Variants in HEATR4 observed in about 807,000 individuals in gnomAD.
The protein encoded by HEATR4 is HEAT repeat containing 4.
Under a neutral mutation model 108.8 loss-of-function variants are expected in HEATR4, and 95 were observed. That is an observed-to-expected ratio of 0.87 (90% CI 0.74 to 1.04). HEATR4 has a LOEUF of 1.04. Ranked by LOEUF, HEATR4 falls within the 50% of genes least tolerant of loss-of-function variation. The pLI is 0.00. For missense variants in HEATR4, 1,152 were observed against 1,253.8 expected (o/e 0.92, Z 1.23); for synonymous variants, 443 against 459.4 (o/e 0.96, Z 0.46).
chr14:73,541,361 T>C lies in HEATR4; in HGVS notation c.-151-11117A>G. ...TTCTGGACGAACACAGGTTTTCATT[T>C]CTCGTGGGTAGATACCTAGGAGTGG... is the stretch of plus-strand genomic sequence containing the variant. On this transcript the variant is annotated intron_variant, in intron 1 of 17. Transcript: ENST00000553558. 2 of 775,036 alleles carry C rather than the reference T, an allele frequency of 2.6e-6. 1 individual carries two copies. The highest frequency in any genetic ancestry group is 3.8e-6 in the Non-Finnish European group (2 of 529,166). 48.0% of individuals were successfully genotyped at this position (775,036 alleles called of 1,614,324 possible).
chr14:73,585,181 C>T, the HEATR4 span, among the ~76,000 whole-genome samples: 3,516 of 152,216 alleles, frequency 0.023, 161 homozygotes, highest in African/African-American at 0.081. Context: ...TCCCACTGTT[C>T]CTGTCTCACG....
At chr14:73,568,557 CT>C in the HEATR4 span, among the ~76,000 whole-genome samples, 1 of 147,974 alleles carries the variant, frequency 6.8e-6, no homozygotes, top group African/African-American at 2.4e-5. Flanking sequence ...TAGTGAGACC[CT>C]GTCTCTCAAA....
chr14:73,617,194 T>A, the HEATR4 span: 1 of 1,614,128 alleles, frequency 6.2e-7, no homozygotes, highest in East Asian at 2.2e-5. Context: ...CATCCAAAGG[T>A]GCGTTCTGGT....
Position 73,547,082 on chromosome 14 carries a change from G to A in HEATR4, c.-152+11669C>T, listed in dbSNP as rs1449919640. Among the ~76,000 whole-genome samples, 4 of 104,394 alleles carry A rather than the reference G, an allele frequency of 3.8e-5. 1 individual carries two copies. The highest frequency in any genetic ancestry group is 3.2e-4 in the South Asian group (1 of 3,112). 68.5% of individuals were successfully genotyped at this position (104,394 alleles called of 152,430 possible). On this transcript the variant is annotated intron_variant, in intron 1 of 17. Coordinates refer to ENST00000553558, the MANE Select transcript of HEATR4 (RefSeq NM_001220484.1). ...GCCTAGGCAACAAGAGCAAAACTCC[G>A]TCTCAAAAAAAGAAAAAAGACCCGG...
intron 17 of HEATR4, among the ~76,000 whole-genome samples, chr14:73,490,544 A>T (rs1475612720): frequency 1.3e-5 from 2 of 152,116 alleles, no homozygotes; most frequent in South Asian, 4.1e-4. Flanking sequence ...GATGGTCTCG[A>T]TCTCCTGACC....
At chr14:73,581,472 T>G in the HEATR4 span, 6 of 152,022 alleles carry the variant, frequency 3.9e-5, no homozygotes, top group African/African-American at 9.7e-5. Flanking sequence ...TGTATGTGTG[T>G]GTGTGTGTAT....
chr14:73,478,829 CGG>C lies in HEATR4; in HGVS notation c.2856_2857del (p.Ala954ThrfsTer40). On this transcript the variant is annotated frameshift_variant, in exon 18 of 18. Transcript: ENST00000553558. LOFTEE classifies it high-confidence loss of function. ...ACTTTGTAACCAGGGATTTGGTGCG[CGG>C]GGCTTCACAGGCTGCAGAGAAACAT... 1 of 1,604,206 alleles carries C rather than the reference CGG, an allele frequency of 6.2e-7. No individual in the cohort carries two copies. The highest frequency in any genetic ancestry group is 1.7e-5 in the Admixed American group (1 of 57,714).
chr14:73,623,504 C>CA, the HEATR4 span, among the ~76,000 whole-genome samples: 2 of 151,860 alleles, frequency 1.3e-5, no homozygotes, highest in African/African-American at 4.8e-5. Context: ...AGCAAAGTAG[C>CA]AAGACCCTGT....
At chr14:73,478,935 T>A in intron 17 of HEATR4, 93 bp from the exon 18 acceptor site, 1 of 905,190 alleles carries the variant, frequency 1.1e-6, no homozygotes, top group East Asian at 2.5e-5. Flanking sequence ...CTATAGGGTG[T>A]CTCCTTTTTT....
chr14:73,486,714 G>A (rs975231499), intron 17 of HEATR4, among the ~76,000 whole-genome samples: 35 of 151,176 alleles, frequency 2.3e-4, no homozygotes, highest in African/African-American at 7.8e-4. Context: ...AAAAAAGAAA[G>A]GAACTTATAA....
rs769615694 is a variant in HEATR4, at chr14:73,520,882, C to T, written c.1039G>A (p.Asp347Asn). ...TAAATCTCCTGTTCAAAGGTGTTGT[C>T]TGTGGAGTAGGCAAACTTTCCAGCT... ...PRAGKFAYSTDNTFEQEIYFD... is the reference protein window; with the variant it reads ...PRAGKFAYSTNNTFEQEIYFD... Residue 347 changes from aspartate to asparagine, a missense_variant, in exon 4 of 18, where the codon GAC becomes AAC. Transcript: ENST00000553558. 6.8e-6 allele frequency: 11 copies of T among 1,614,026 alleles called. No homozygotes were observed. The East Asian group carries it at 2.5e-4, about 36-fold the overall frequency.
In HEATR4 at chr14:73,522,344, A is replaced by G; in HGVS notation, c.809T>C (p.Phe270Ser). 6.2e-7 allele frequency: 1 copy of G among 1,614,190 alleles called. No homozygotes were observed. Among genetic ancestry groups the G allele is most frequent in the Non-Finnish European group, 8.5e-7 (1 of 1,180,028 alleles). The change falls in exon 3 of 18, where the codon TTT (phenylalanine) becomes TCT (serine). Residue 270 changes from phenylalanine (F) to serine (S), a missense_variant. Transcript: ENST00000553558. ...GGGCAGGATGACACTTTGATCCTCA[A>G]ACTCTGCTGTCTCTTCTGCCTCCAG... The part of the protein sequence containing the change: ...KQLEAEETAE[F>S]EDQSVILPPQ...
intron 17 of HEATR4, among the ~76,000 whole-genome samples, chr14:73,481,594 C>G (rs958048769): frequency 3.3e-5 from 5 of 151,674 alleles, no homozygotes; most frequent in African/African-American, 7.3e-5. Flanking sequence ...TAATCCCAAG[C>G]ACTTTGGGAG....
chr14:73,620,195 G>GT, the HEATR4 span, among the ~76,000 whole-genome samples: 1 of 152,050 alleles, frequency 6.6e-6, no homozygotes, highest in Non-Finnish European at 1.5e-5. Flanking sequence ...GAATACAGGT[G>GT]TGAGCAACCA....
chr14:73,595,435 A>C, the HEATR4 span: 1 of 1,613,790 alleles, frequency 6.2e-7, no homozygotes, highest in Non-Finnish European at 8.5e-7. Context: ...GAAAGGAAAA[A>C]CCCCAGATCA....
At chr14:73,570,627 G>A in the HEATR4 span, among the ~76,000 whole-genome samples, 1 of 151,750 alleles carries the variant, frequency 6.6e-6, no homozygotes, top group Non-Finnish European at 1.5e-5. Context: ...AAAACAGGCC[G>A]GGCGCGGTGG....
chr14:73,520,698 C>T (rs2140295454), intron 4 of HEATR4, 154 bp downstream of exon 4: 2 of 670,060 alleles, frequency 3.0e-6, no homozygotes, highest in East Asian at 2.6e-5. Flanking sequence ...GACCCAACTC[C>T]TGTGCTAGTG....
the HEATR4 span, among the ~76,000 whole-genome samples, chr14:73,624,769 C>T: frequency 2.4e-4 from 37 of 152,196 alleles, no homozygotes; most frequent in Non-Finnish European, 4.6e-4. Flanking sequence ...GGGTTTCTGT[C>T]TATATGCCTC....
At chr14:73,505,884 A>T (rs961708282) in intron 10 of HEATR4, among the ~76,000 whole-genome samples, 4 of 138,990 alleles carry the variant, frequency 2.9e-5, no homozygotes, top group Non-Finnish European at 6.2e-5. Flanking sequence ...ATTACTATAA[A>T]CGTTTCTTTT....
Sources: allele counts gnomAD v4.1 joint callset (sites outside exome capture counted in the v4.1 genomes callset), GRCh38; gene constraint gnomAD v4.1.1; transcripts MANE v1.5; gene names NCBI Gene and HGNC (gene_info 2026-07-23, HGNC 2026-07-21).